The following NTRK3 variants were observed in gnomAD, a reference collection of about 807,000 sequenced individuals.
The protein encoded by NTRK3 is NT-3 growth factor receptor.
In NTRK3, 24 loss-of-function variants were observed where a neutral mutation model predicts 91.7. That is an observed-to-expected ratio of 0.26 (90% CI 0.19 to 0.37). The LOEUF is 0.37. Among genes scored for constraint, NTRK3 ranks in the 10% least tolerant of loss-of-function variants. The pLI is 1.00. For missense variants in NTRK3, 880 were observed against 1,068.9 expected, an observed-to-expected ratio of 0.82 and a Z score of 2.46; for synonymous variants, 483 against 404.0, an observed-to-expected ratio of 1.20 and a Z score of -2.34.
At chr15:88,056,448 T>C (rs931132743) in intron 13 of NTRK3, among the ~76,000 whole-genome samples, 5 of 152,094 alleles carry the variant, frequency 3.3e-5, no homozygotes, top group African/African-American at 9.7e-5. Flanking sequence ...ATTCTACCTA[T>C]GGTTAACAGT....
rs185823725 is a variant in NTRK3, at chr15:87,984,765, G to A, written c.1586-44012C>T. Among the ~76,000 whole-genome samples, 146 of 152,186 alleles carry A rather than the reference G, an allele frequency of 9.6e-4. 1 individual carries two copies. The highest frequency in any genetic ancestry group is 1.5e-3 in the Non-Finnish European group (104 of 68,020). ...CATTTCTAGCTTCCCTTGAAAGTCC[G>A]AGAGTTCTGGCAACCCTGGGCCAGA... On this transcript the variant is annotated intron_variant, in intron 14 of 18. Coordinates refer to ENST00000394480, the Ensembl canonical transcript of NTRK3.
At chr15:88,092,502 C>G (rs558068326) in intron 13 of NTRK3, among the ~76,000 whole-genome samples, 2 of 152,324 alleles carry the variant, frequency 1.3e-5, no homozygotes, top group African/African-American at 4.8e-5. Flanking sequence ...GGTGTTGACT[C>G]TCTCAGAAAA....
At chr15:87,980,183 C>T (rs1443427122) in intron 14 of NTRK3, among the ~76,000 whole-genome samples, 1 of 152,210 alleles carries the variant, frequency 6.6e-6, no homozygotes, top group African/African-American at 2.4e-5. Flanking sequence ...GGAGGACTTC[C>T]ATGACAGCTC....
At chr15:87,965,231 C>T (rs2072679781) in intron 14 of NTRK3, among the ~76,000 whole-genome samples, 1 of 152,182 alleles carries the variant, frequency 6.6e-6, no homozygotes, top group Non-Finnish European at 1.5e-5. Flanking sequence ...GTGTGCTTTT[C>T]TGTATTTCAC....
chr15:88,190,568 G>T (rs2047305579), intron 3 of NTRK3, among the ~76,000 whole-genome samples: 1 of 151,898 alleles, frequency 6.6e-6, no homozygotes, highest in Non-Finnish European at 1.5e-5. Context: ...CTCTTTTTTT[G>T]ATATTAGGCT....
In NTRK3 at chr15:88,223,034, G is replaced by A. The variant is rs2050367386; in HGVS notation, c.248+32872C>T. On this transcript the variant is annotated intron_variant, in intron 3 of 18. Transcript: ENST00000394480. ...AGGGAGAGGAAGGAGATGGGGCGATGGGGCTGGCAGGAGGGTGGGCGGCAG... is the reference window on the plus strand; with the variant it reads ...AGGGAGAGGAAGGAGATGGGGCGATAGGGCTGGCAGGAGGGTGGGCGGCAG... Among the ~76,000 whole-genome samples, 4 of 152,310 alleles carry A rather than the reference G, an allele frequency of 2.6e-5. No homozygotes were observed. In the South Asian group the frequency reaches 8.3e-4, roughly 32 times the overall value.
At chr15:87,910,034 C>G (rs1289871493) in intron 17 of NTRK3, among the ~76,000 whole-genome samples, 2 of 152,210 alleles carry the variant, frequency 1.3e-5, no homozygotes, top group Non-Finnish European at 2.9e-5. Context: ...AAATAAGCAA[C>G]TGGCGCTGGG....
At chr15:87,968,561 T>C (rs938081346) in intron 14 of NTRK3, among the ~76,000 whole-genome samples, 3 of 152,206 alleles carry the variant, frequency 2.0e-5, no homozygotes, top group East Asian at 1.9e-4. Flanking sequence ...AACGAAAGTA[T>C]TGATATCTTC....
At chr15:88,136,142 G>A (rs192324234) in intron 8 of NTRK3, 102 bp from the exon 9 acceptor site, 80 of 1,419,544 alleles carry the variant, frequency 5.6e-5, no homozygotes, top group Admixed American at 2.7e-4. Context: ...AAAGCTGAGC[G>A]GAAGGCGAAG....
chr15:87,988,653 A>G (rs546706114), intron 14 of NTRK3, among the ~76,000 whole-genome samples: 1 of 152,228 alleles, frequency 6.6e-6, no homozygotes, highest in South Asian at 2.1e-4. Context: ...GTGTTTAGGG[A>G]AGACGTTGAT....
chr15:87,923,310 T>A (rs570802056), intron 17 of NTRK3, among the ~76,000 whole-genome samples: 54 of 152,310 alleles, frequency 3.5e-4, no homozygotes, highest in South Asian at 2.3e-3. Context: ...TGAAAGAAAG[T>A]GATTAGTCCC....
chr15:87,953,651 G>C (rs62019204), intron 14 of NTRK3, among the ~76,000 whole-genome samples: 29,366 of 152,052 alleles, frequency 0.19, 3,057 homozygotes, highest in South Asian at 0.31. Context: ...ACCAAGGTGA[G>C]GTCTCTGGGG....
At chr15:87,951,169 A>T (rs138990147) in intron 14 of NTRK3, among the ~76,000 whole-genome samples, 1,528 of 152,284 alleles carry the variant, frequency 0.01, 13 homozygotes, top group Non-Finnish European at 0.016. Context: ...CACTAGTAGA[A>T]ATCAACCCAA....
chr15:88,195,434 C>G (rs2047733367), intron 3 of NTRK3, among the ~76,000 whole-genome samples: 1 of 152,212 alleles, frequency 6.6e-6, no homozygotes, highest in Non-Finnish European at 1.5e-5. Flanking sequence ...GACTGTCCCT[C>G]CTCAGAACCC....
At chr15:87,862,044 G>A (rs1375884839) in exon 19 of NTRK3, 1 of 212,660 alleles carries the variant, frequency 4.7e-6, no homozygotes, top group East Asian at 7.0e-5. Flanking sequence ...TTTAAATATG[G>A]GAAGGTTCCT....
At chr15:87,951,368 G>A (rs28583609) in intron 14 of NTRK3, among the ~76,000 whole-genome samples, 162 of 152,314 alleles carry the variant, frequency 1.1e-3, no homozygotes, top group African/African-American at 3.8e-3. Flanking sequence ...CAACCTTGCT[G>A]CCTGACTAGA....
At chr15:88,077,295 C>G (rs2047633398) in intron 13 of NTRK3, among the ~76,000 whole-genome samples, 1 of 152,102 alleles carries the variant, frequency 6.6e-6, no homozygotes, top group Non-Finnish European at 1.5e-5. Context: ...TCAGCAACAT[C>G]TTGACCCCAG....
At chr15:87,989,446 C>T (rs946302587) in intron 14 of NTRK3, among the ~76,000 whole-genome samples, 1 of 149,556 alleles carries the variant, frequency 6.7e-6, no homozygotes, top group Non-Finnish European at 1.5e-5. Context: ...AGGTGGGAAT[C>T]GAACAATGAG....
chr15:88,131,577 C>G (rs17829939), intron 10 of NTRK3, among the ~76,000 whole-genome samples: 22,696 of 152,214 alleles, frequency 0.15, 1,957 homozygotes, highest in Middle Eastern at 0.2. Flanking sequence ...AAGCTCTAGC[C>G]TGGGTTTCAG....
Sources: gnomAD v4.1 joint callset for allele counts (sites outside exome capture counted in the v4.1 genomes callset) on GRCh38, gnomAD v4.1.1 for gene constraint, MANE v1.5 for transcripts, NCBI Gene and HGNC (gene_info 2026-07-23, HGNC 2026-07-21) for gene names.